The following IMMP2L variants were observed in gnomAD, a reference collection of about 807,000 sequenced individuals.
The protein encoded by IMMP2L is mitochondrial inner membrane protease subunit 2.
In IMMP2L, 18 loss-of-function variants were observed where a neutral mutation model predicts 19.3. The ratio of observed to expected loss-of-function variants is 0.93; its 90% CI spans 0.64 to 1.38. The LOEUF is 1.38. Among genes scored for constraint, IMMP2L ranks in the 40% most tolerant of loss-of-function variants. The pLI is 0.00. For synonymous variants in IMMP2L, 76 were observed against 73.0 expected, an observed-to-expected ratio of 1.04 and a Z score of -0.21; for missense variants, 233 against 218.2, an observed-to-expected ratio of 1.07 and a Z score of -0.43.
chr7:110,880,268 C>T (rs1302273826), intron 5 of IMMP2L, among the ~76,000 whole-genome samples: 1 of 152,024 alleles, frequency 6.6e-6, no homozygotes, highest in Non-Finnish European at 1.5e-5. Flanking sequence ...AGATCACCCA[C>T]GTTACTCAAA....
At chr7:110,688,440 T>A (rs1025301305) in intron 5 of IMMP2L, among the ~76,000 whole-genome samples, 30 of 152,048 alleles carry the variant, frequency 2.0e-4, no homozygotes, top group African/African-American at 7.2e-4. Context: ...TACTGGCCAA[T>A]TTACTAATTC....
chr7:110,669,048 TGTGC>T (rs748374114), intron 5 of IMMP2L, among the ~76,000 whole-genome samples: 3,539 of 57,006 alleles, frequency 0.062, 110 homozygotes, highest in Admixed American at 0.12. Flanking sequence ...TGTGTGTGTG[TGTGC>T]GTGTGTGTGT....
intron 3 of IMMP2L, among the ~76,000 whole-genome samples, chr7:110,986,702 G>A (rs1016678424): frequency 1.1e-4 from 16 of 151,906 alleles, no homozygotes; most frequent in Non-Finnish European, 2.4e-4. Context: ...TTGATTGTTG[G>A]TCAAATCTCA....
intron 5 of IMMP2L, among the ~76,000 whole-genome samples, chr7:110,778,550 T>C (rs1232479011): frequency 6.6e-6 from 1 of 151,972 alleles, no homozygotes; most frequent in African/African-American, 2.4e-5. Flanking sequence ...TAAACTAAAA[T>C]AGAGCAAACT....
At chr7:111,012,572 A>T (rs1464880137) in intron 3 of IMMP2L, among the ~76,000 whole-genome samples, 6 of 152,196 alleles carry the variant, frequency 3.9e-5, no homozygotes, top group African/African-American at 1.2e-4. Flanking sequence ...CTTTTAAAAA[A>T]ATTTAAACCA....
At chr7:111,195,963 C>T (rs545118092) in intron 3 of IMMP2L, among the ~76,000 whole-genome samples, 1 of 152,146 alleles carries the variant, frequency 6.6e-6, no homozygotes, top group South Asian at 2.1e-4. Context: ...AACTCCTGGG[C>T]TCAAGTGATT....
At chr7:111,379,143 A>C (rs1830962832) in intron 3 of IMMP2L, among the ~76,000 whole-genome samples, 1 of 151,140 alleles carries the variant, frequency 6.6e-6, no homozygotes, top group South Asian at 2.1e-4. Context: ...ACATTTGTAC[A>C]CTGTAAGAGA....
At chr7:110,768,220 C>CAT (rs10678407) in intron 5 of IMMP2L, among the ~76,000 whole-genome samples, 145,351 of 151,172 alleles carry the variant, frequency 0.96, 69,883 homozygotes, top group East Asian at 0.98. Context: ...TCAGCAGAAA[C>CAT]GTGAAAAACG....
At chr7:110,738,618 G>A (rs966968918) in intron 5 of IMMP2L, among the ~76,000 whole-genome samples, 1 of 152,222 alleles carries the variant, frequency 6.6e-6, no homozygotes, top group African/African-American at 2.4e-5. Context: ...CACAGAAGAA[G>A]AGAAGTCTAA....
chr7:111,511,855 C>T (rs964637342), intron 2 of IMMP2L, among the ~76,000 whole-genome samples: 1 of 152,106 alleles, frequency 6.6e-6, no homozygotes, highest in Non-Finnish European at 1.5e-5. Flanking sequence ...CCCCACTCAG[C>T]AATTAGGAGA....
At position 110,920,248 on chromosome 7, in the gene IMMP2L, A is replaced by C. The variant is rs141968022; in HGVS notation, c.306-33553T>G. 2.6e-5 allele frequency among the ~76,000 whole-genome samples: 4 copies of C among 152,284 alleles called. No homozygotes were observed. In the East Asian group the frequency reaches 7.7e-4, roughly 29 times the overall value. On this transcript the variant is annotated intron_variant, in intron 4 of 5. Transcript: ENST00000405709. ...ACTCCTTAATAAACTCCCCATTTAT[A>C]TATACATGTATCCTATTAGTTCTGT...
chr7:111,384,240 GAA>G (rs1298547788), intron 3 of IMMP2L, among the ~76,000 whole-genome samples: 3,681 of 144,834 alleles, frequency 0.025, 177 homozygotes, highest in African/African-American at 0.097. Flanking sequence ...GGAGAGAGGA[GAA>G]AGGAGAGAGG....
chr7:111,150,147 T>A (rs924857713), intron 3 of IMMP2L, among the ~76,000 whole-genome samples: 3 of 152,196 alleles, frequency 2.0e-5, no homozygotes, highest in Non-Finnish European at 4.4e-5. Flanking sequence ...TATTATGATC[T>A]CTTTGTAGGT....
intron 3 of IMMP2L, among the ~76,000 whole-genome samples, chr7:111,056,259 CA>C (rs1793500184): frequency 6.6e-6 from 1 of 152,288 alleles, no homozygotes; most frequent in Non-Finnish European, 1.5e-5. Context: ...TAAAACACTA[CA>C]CTAATGACCT....
intron 3 of IMMP2L, among the ~76,000 whole-genome samples, chr7:111,469,786 G>A (rs1374495023): frequency 6.6e-6 from 1 of 152,042 alleles, no homozygotes; most frequent in Admixed American, 6.6e-5. Flanking sequence ...AGAAAACCTA[G>A]GCAATACCAT....
chr7:111,071,895 T>C (rs1794986559), intron 3 of IMMP2L, among the ~76,000 whole-genome samples: 1 of 152,182 alleles, frequency 6.6e-6, no homozygotes, highest in Non-Finnish European at 1.5e-5. Flanking sequence ...GTTATGTGAA[T>C]TTCACTTCAA....
chr7:111,117,776 T>C (rs964740670), intron 3 of IMMP2L, among the ~76,000 whole-genome samples: 1 of 152,106 alleles, frequency 6.6e-6, no homozygotes, highest in Non-Finnish European at 1.5e-5. Flanking sequence ...CAATTTGCTA[T>C]AGAAGAAAAG....
intron 3 of IMMP2L, among the ~76,000 whole-genome samples, chr7:111,265,699 C>T (rs1252517679): frequency 6.6e-6 from 1 of 152,052 alleles, no homozygotes; most frequent in Non-Finnish European, 1.5e-5. Flanking sequence ...TTAGAAATTG[C>T]TCAAGATTTC....
At chr7:111,403,343 C>T (rs1026047740) in intron 3 of IMMP2L, among the ~76,000 whole-genome samples, 7 of 152,054 alleles carry the variant, frequency 4.6e-5, no homozygotes, top group Middle Eastern at 3.4e-3. Context: ...TGAGGCATTT[C>T]CAGCCATGTA....
Sources: gnomAD v4.1 joint callset for allele counts (sites outside exome capture counted in the v4.1 genomes callset) on GRCh38, gnomAD v4.1.1 for gene constraint, MANE v1.5 for transcripts, NCBI Gene and HGNC (gene_info 2026-07-23, HGNC 2026-07-21) for gene names.